The following CMIP variants were observed in gnomAD, a reference collection of about 807,000 sequenced individuals.
The protein encoded by CMIP is C-Maf-inducing protein.
Under a neutral mutation model 97.3 loss-of-function variants are expected in CMIP, and 13 were observed. The observed-to-expected ratio is 0.13, with a 90% confidence interval of 0.09 to 0.21. The LOEUF (loss-of-function observed/expected upper bound fraction) is 0.21, where lower values mean the gene tolerates loss of function less well. Ranked by LOEUF, CMIP falls within the 10% of genes least tolerant of loss-of-function variation. The probability of loss-of-function intolerance (pLI) is 1.00; values close to 1 mark genes in which losing one functional copy is unlikely to be tolerated. For synonymous variants in CMIP, 538 were observed against 436.3 expected (o/e 1.23, Z -2.91); for missense variants, 847 against 1,024.9 (o/e 0.83, Z 2.37).
chr16:81,488,814 G>A (rs1377936634), intron 1 of CMIP, among the ~76,000 whole-genome samples: 1 of 152,132 alleles, frequency 6.6e-6, no homozygotes, highest in Non-Finnish European at 1.5e-5. Context: ...GGAAGACGGG[G>A]AGAGAATAAT....
chr16:81,548,563 A>G (rs918896748), intron 1 of CMIP, among the ~76,000 whole-genome samples: 1 of 152,020 alleles, frequency 6.6e-6, no homozygotes, highest in African/African-American at 2.4e-5. Flanking sequence ...TCTCCAGGCC[A>G]CGTGTGGTGG....
At chr16:81,488,632 T>A (rs1490432468) in intron 1 of CMIP, among the ~76,000 whole-genome samples, 1 of 152,042 alleles carries the variant, frequency 6.6e-6, no homozygotes, top group African/African-American at 2.4e-5. Context: ...GTGCCCCTTC[T>A]CCTTGGTGGC....
chr16:81,502,522 C>A (rs1464461168), intron 1 of CMIP, among the ~76,000 whole-genome samples: 1 of 152,144 alleles, frequency 6.6e-6, no homozygotes, highest in Admixed American at 6.5e-5. Flanking sequence ...TTAACTCATT[C>A]GCTCAGCGAT....
chr16:81,683,224 G>C (rs1381248488), intron 10 of CMIP, among the ~76,000 whole-genome samples: 1 of 152,238 alleles, frequency 6.6e-6, no homozygotes, highest in African/African-American at 2.4e-5. Context: ...GATGGGGAGA[G>C]TGTGGAAGCC....
intron 7 of CMIP, among the ~76,000 whole-genome samples, chr16:81,669,812 C>T (rs1318502636): frequency 6.6e-6 from 1 of 152,220 alleles, no homozygotes; most frequent in Non-Finnish European, 1.5e-5. Context: ...CCCTCGGAAG[C>T]ACCCTCTCTT....
Position 81,670,132 on chromosome 16 carries a change from G to C in CMIP, c.826-10G>C, listed in dbSNP as rs760828003. The C allele has an allele frequency of 7.5e-6, 12 of 1,602,932 alleles. No homozygotes were observed. The highest frequency in any genetic ancestry group is 1.7e-4 in the Middle Eastern group (1 of 5,928). On this transcript the variant is annotated splice_polypyrimidine_tract_variant and intron_variant, in intron 7 of 20. Coordinates refer to ENST00000537098, the MANE Select transcript of CMIP (RefSeq NM_198390.3). The stretch of plus-strand genomic sequence containing the variant: ...ACCGTCCCGACTCCTGTCCTCTGCT[G>C]TCTCCACAGGACTTTGGGAAGTGCC...
At chr16:81,455,033 G>A (rs1312209517) in intron 1 of CMIP, among the ~76,000 whole-genome samples, 1 of 152,206 alleles carries the variant, frequency 6.6e-6, no homozygotes, top group South Asian at 2.1e-4. Context: ...TAAAGATAGA[G>A]GTGGGTTTGC....
rs1482441810 is a variant in CMIP, at chr16:81,453,362, C to T, written c.300+7821C>T. 2.6e-5 allele frequency among the ~76,000 whole-genome samples: 4 copies of T among 152,186 alleles called. No individual in the cohort carries two copies. Among genetic ancestry groups the T allele is most frequent in the Admixed American group, 2.0e-4 (3 of 15,288 alleles). On this transcript the variant is annotated intron_variant, in intron 1 of 20. Coordinates refer to ENST00000537098, the MANE Select transcript of CMIP (RefSeq NM_198390.3). The surrounding 1 kb of genome is among the most constrained non-coding windows in gnomAD (Gnocchi z 4.0). ...ATGGAATCAAACAGCCATCTGGGTGCTTCCCTTGGGCTGGGCTGGCTGCAT... is the reference window on the plus strand; with the variant it reads ...ATGGAATCAAACAGCCATCTGGGTGTTTCCCTTGGGCTGGGCTGGCTGCAT...
intron 1 of CMIP, chr16:81,495,224 C>G (rs1300901435): frequency 1.9e-6 from 2 of 1,071,826 alleles, no homozygotes; most frequent in Admixed American, 3.3e-5. Flanking sequence ...CATAGGGTTT[C>G]TCAGTGAAAC....
intron 1 of CMIP, among the ~76,000 whole-genome samples, chr16:81,597,260 C>T (rs538202967): frequency 6.6e-6 from 1 of 152,346 alleles, no homozygotes; most frequent in Admixed American, 6.5e-5. Context: ...ATTCTGTTTG[C>T]ACTGTGTCTG....
In CMIP at chr16:81,705,400, A is replaced by C. The variant is rs549503621; in HGVS notation, c.2092-99A>C. 1.7e-5 allele frequency: 14 copies of C among 848,140 alleles called. No individual in the cohort carries two copies. The South Asian group carries it at 2.4e-4, about 15-fold the overall frequency. The allele number at this position is 848,140 out of a possible 1,614,324, so 52.5% of individuals were successfully genotyped here. A position where few individuals can be genotyped will look rare whatever the true frequency, so the allele number is the denominator to read the frequency against. On this transcript the variant is annotated intron_variant, in intron 18 of 20. Coordinates refer to ENST00000537098, the MANE Select transcript of CMIP (RefSeq NM_198390.3). Reference sequence around the variant, plus strand: ...TTGGTGGGCCATGGGCCTCAGAGCCAGGCTCTGTCCCCATCCCTTTCCTCC... The same window carrying C: ...TTGGTGGGCCATGGGCCTCAGAGCCCGGCTCTGTCCCCATCCCTTTCCTCC...
chr16:81,476,491 A>G (rs1374767269), intron 1 of CMIP: 1 of 730,500 alleles, frequency 1.4e-6, no homozygotes, highest in African/African-American at 1.7e-5. Flanking sequence ...GTTGACAGCG[A>G]TGTCAGAGAA....
chr16:81,693,764 A>T (rs1906383791), intron 13 of CMIP, among the ~76,000 whole-genome samples: 2 of 152,150 alleles, frequency 1.3e-5, no homozygotes, highest in Admixed American at 6.5e-5. Context: ...CTGGCATGGC[A>T]GCTCTCAACC....
intron 1 of CMIP, among the ~76,000 whole-genome samples, chr16:81,529,154 AG>A (rs1279458057): frequency 6.6e-6 from 1 of 152,240 alleles, no homozygotes; most frequent in Non-Finnish European, 1.5e-5. Context: ...CACGGATATA[AG>A]GGGGGAAGAA....
At chr16:81,541,859 C>G (rs908054291) in intron 1 of CMIP, among the ~76,000 whole-genome samples, 2 of 152,200 alleles carry the variant, frequency 1.3e-5, no homozygotes, top group African/African-American at 4.8e-5. Context: ...AAGGGAAAGC[C>G]TCATCTCTAC....
chr16:81,572,085 G>A (rs541666021), intron 1 of CMIP, among the ~76,000 whole-genome samples: 14 of 152,296 alleles, frequency 9.2e-5, no homozygotes, highest in African/African-American at 2.9e-4. Context: ...GTGTTCTGGC[G>A]CGTCCTTGGG....
At chr16:81,527,679 T>C (rs561652766) in intron 1 of CMIP, among the ~76,000 whole-genome samples, 1 of 152,350 alleles carries the variant, frequency 6.6e-6, no homozygotes, top group Admixed American at 6.5e-5. Flanking sequence ...GCTTCAACTT[T>C]ACAGAAAGCA....
At chr16:81,491,957 CT>C (rs34910104) in intron 1 of CMIP, among the ~76,000 whole-genome samples, 2 of 152,320 alleles carry the variant, frequency 1.3e-5, no homozygotes, top group East Asian at 1.9e-4. Flanking sequence ...ACGTGGTCAT[CT>C]TTTGTGTCAC....
In CMIP at chr16:81,627,086, T is replaced by A. The variant is rs1474727737; in HGVS notation, c.477+6160T>A. ...TATGTGTGTGTTTGTGTATGTGTGG[T>A]GTGTGGGGGTGACTGTGAGAGTGTG... is the stretch of plus-strand genomic sequence containing the variant. On this transcript the variant is annotated intron_variant, in intron 3 of 20. Transcript: ENST00000537098. This position sits in a 1 kb window ranked among gnomAD's most constrained non-coding sequence, Gnocchi z 4.6. Among the ~76,000 whole-genome samples, 8 of 144,650 alleles carry A rather than the reference T, an allele frequency of 5.5e-5. No individual in the cohort carries two copies. The highest frequency in any genetic ancestry group is 2.1e-4 in the African/African-American group (8 of 38,520). 94.9% of individuals were successfully genotyped at this position (144,650 alleles called of 152,430 possible). A position where few individuals can be genotyped will look rare whatever the true frequency, so the allele number is the denominator to read the frequency against.
Sources: allele counts gnomAD v4.1 joint callset (sites outside exome capture counted in the v4.1 genomes callset), GRCh38; gene constraint gnomAD v4.1.1; non-coding constraint Gnocchi (gnomAD v3.1); transcripts MANE v1.5; gene names NCBI Gene and HGNC (gene_info 2026-07-23, HGNC 2026-07-21).